Variants in OR1J2 observed in about 807,000 individuals in gnomAD.
OR1J2 encodes the protein olfactory receptor 1J2.
For missense variants in OR1J2, 304 were observed against 246.1 expected (o/e 1.24, Z -1.57); for synonymous variants, 142 against 99.7 (o/e 1.42, Z -2.52).
At chr9:122,532,213 A>T in the OR1J2 span, among the ~76,000 whole-genome samples, 1 of 151,984 alleles carries the variant, frequency 6.6e-6, no homozygotes, top group Non-Finnish European at 1.5e-5. Flanking sequence ...AGGGGCCTGA[A>T]TAATCCCTGA....
At chr9:122,552,057 A>ACTCTCTCTCTCTCTCT in the OR1J2 span, among the ~76,000 whole-genome samples, 1 of 144,072 alleles carries the variant, frequency 6.9e-6, no homozygotes, top group Non-Finnish European at 1.6e-5. Context: ...ACACACATAC[A>ACTCTCTCTCTCTCTCT]CTCTCTCTCT....
chr9:122,461,352 G>A, the OR1J2 span, among the ~76,000 whole-genome samples: 2 of 151,348 alleles, frequency 1.3e-5, no homozygotes, highest in East Asian at 3.9e-4. Flanking sequence ...AATGCTTTTT[G>A]TACATCTATT....
chr9:122,496,590 T>C, the OR1J2 span, among the ~76,000 whole-genome samples: 1 of 152,178 alleles, frequency 6.6e-6, no homozygotes, highest in Non-Finnish European at 1.5e-5. Flanking sequence ...GTAGTTCTGA[T>C]GACACGTGCC....
chr9:122,574,449 G>A, the OR1J2 span, among the ~76,000 whole-genome samples: 9 of 152,032 alleles, frequency 5.9e-5, no homozygotes, highest in African/African-American at 1.9e-4. Flanking sequence ...TTTGGGGGGT[G>A]CTAATGTAAA....
chr9:122,526,394 C>A, the OR1J2 span: 1 of 1,510,016 alleles, frequency 6.6e-7, no homozygotes. Flanking sequence ...TGAAGAGCCT[C>A]TTTAGGGCCC....
chr9:122,503,979 A>G, the OR1J2 span, among the ~76,000 whole-genome samples: 16 of 152,172 alleles, frequency 1.1e-4, no homozygotes, highest in East Asian at 9.6e-4. Context: ...CTCTTTTTCA[A>G]TTAGTTGTAT....
the OR1J2 span, among the ~76,000 whole-genome samples, chr9:122,535,749 T>C: frequency 6.6e-6 from 1 of 152,128 alleles, no homozygotes; most frequent in Non-Finnish European, 1.5e-5. Flanking sequence ...CCAAATTTCA[T>C]GTGCGTCCGT....
At chr9:122,453,092 C>G in the OR1J2 span, among the ~76,000 whole-genome samples, 1 of 151,566 alleles carries the variant, frequency 6.6e-6, no homozygotes, top group African/African-American at 2.4e-5. Flanking sequence ...TGCTCCTGCC[C>G]TTTTCATGTG....
the OR1J2 span, among the ~76,000 whole-genome samples, chr9:122,460,183 A>G: frequency 0.062 from 2,175 of 34,932 alleles, 15 homozygotes; most frequent in African/African-American, 0.09. Context: ...GTGTGTGTGT[A>G]TATATATATA....
the OR1J2 span, chr9:122,568,320 T>C: frequency 1.2e-6 from 2 of 1,613,888 alleles, no homozygotes; most frequent in East Asian, 2.2e-5. Context: ...AAGATGGGGG[T>C]TGAAGCGAAT....
the OR1J2 span, among the ~76,000 whole-genome samples, chr9:122,536,179 T>C: frequency 6.6e-6 from 1 of 152,210 alleles, no homozygotes; most frequent in South Asian, 2.1e-4. Flanking sequence ...CCACAGTCAA[T>C]GGCAAAAATG....
At chr9:122,453,650 T>G in the OR1J2 span, among the ~76,000 whole-genome samples, 1 of 152,182 alleles carries the variant, frequency 6.6e-6, no homozygotes, top group Non-Finnish European at 1.5e-5. Context: ...AATTCCAGGG[T>G]GAGATCATCA....
At chr9:122,490,738 G>A in the OR1J2 span, among the ~76,000 whole-genome samples, 1 of 152,162 alleles carries the variant, frequency 6.6e-6, no homozygotes, top group Admixed American at 6.6e-5. Flanking sequence ...GGTTCAGGAT[G>A]AGTCCAGAGA....
the OR1J2 span, among the ~76,000 whole-genome samples, chr9:122,577,659 T>C: frequency 6.6e-6 from 1 of 152,198 alleles, no homozygotes; most frequent in Non-Finnish European, 1.5e-5. Context: ...TAATACCTAG[T>C]ATTAACACTG....
At chr9:122,492,360 A>G in the OR1J2 span, among the ~76,000 whole-genome samples, 1 of 152,156 alleles carries the variant, frequency 6.6e-6, no homozygotes, top group Non-Finnish European at 1.5e-5. Flanking sequence ...ATAGTATTCC[A>G]TGGTATATAT....
chr9:122,538,303 T>TA, the OR1J2 span, among the ~76,000 whole-genome samples: 2 of 152,230 alleles, frequency 1.3e-5, no homozygotes, highest in Non-Finnish European at 1.5e-5. Flanking sequence ...ATTTCTTTCA[T>TA]AAGTGTTTTG....
chr9:122,504,136 T>C, the OR1J2 span, among the ~76,000 whole-genome samples: 1 of 152,220 alleles, frequency 6.6e-6, no homozygotes, highest in Non-Finnish European at 1.5e-5. Flanking sequence ...TTTGCTGCTG[T>C]GTCTATCTGA....
chr9:122,571,103 C>T, the OR1J2 span, among the ~76,000 whole-genome samples: 1 of 152,262 alleles, frequency 6.6e-6, no homozygotes, highest in South Asian at 2.1e-4. Flanking sequence ...TACCCTCTTG[C>T]CACACAAATA....
the OR1J2 span, among the ~76,000 whole-genome samples, chr9:122,473,706 G>T: frequency 6.6e-6 from 1 of 152,136 alleles, no homozygotes; most frequent in Non-Finnish European, 1.5e-5. Context: ...CATTGGACTA[G>T]TCCCGTCTTA....
Sources: gnomAD v4.1 joint callset for allele counts (sites outside exome capture counted in the v4.1 genomes callset) on GRCh38, gnomAD v4.1.1 for gene constraint, MANE v1.5 for transcripts, NCBI Gene and HGNC (gene_info 2026-07-23, HGNC 2026-07-21) for gene names.